The following PML variants were observed in gnomAD, a reference collection of about 807,000 sequenced individuals.
The protein encoded by PML is protein PML.
A neutral mutation model predicts 65.2 loss-of-function variants in PML; 28 were observed. That is an observed-to-expected ratio of 0.43 (90% CI 0.32 to 0.59). The LOEUF is 0.59. Among genes scored for constraint, PML ranks in the 20% least tolerant of loss-of-function variants. The pLI, the probability that PML is intolerant of heterozygous loss-of-function variation, is 0.08. For synonymous variants in PML, 500 were observed against 508.8 expected (o/e 0.98, Z 0.23); for missense variants, 1,021 against 1,203.4 (o/e 0.85, Z 2.24).
Position 74,044,815 on chromosome 15 carries a change from G to A in PML, c.2456G>A (p.Gly819Asp). ...LSAHRRDRQG[G>D]LKKYSRYLSL... ...GCACACCGCCGTGACCGGCAGGGGG[G>A]CCTGAAGAAGTACAGCCGCTATCTA... The change falls in exon 9 of 9, where the codon GGC becomes GAC. Residue 819 changes from glycine (G) to aspartate (D), a missense_variant. Physicochemically the swap from Gly to Asp is moderately conservative, Grantham distance 94. Transcript: ENST00000268058. 6.2e-7 allele frequency: 1 copy of A among 1,613,190 alleles called. No individual in the cohort carries two copies. The highest frequency in any genetic ancestry group is 8.5e-7 in the Non-Finnish European group (1 of 1,180,032).
intron 4 of PML, among the ~76,000 whole-genome samples, chr15:74,029,145 C>G (rs747535488): frequency 6.6e-6 from 1 of 152,186 alleles, no homozygotes; most frequent in Non-Finnish European, 1.5e-5. Flanking sequence ...GTTTCGACTT[C>G]TCTACAGCCT....
At chr15:74,038,631 C>T (rs2071627550) in intron 7 of PML, among the ~76,000 whole-genome samples, 1 of 152,132 alleles carries the variant, frequency 6.6e-6, no homozygotes, top group African/African-American at 2.4e-5. Context: ...ACACCCAGCA[C>T]CACCACTGCA....
chr15:74,043,011 G>A lies in PML; in HGVS notation c.1733G>A (p.Ser578Asn). Reference sequence around the variant, plus strand: ...CAGTCCTCCCGAGAGCTGGATGACAGCAGCAGTGAGTCCAGTGACCTCCAG... The same window carrying A: ...CAGTCCTCCCGAGAGCTGGATGACAACAGCAGTGAGTCCAGTGACCTCCAG... The part of the protein sequence containing the change: ...ENSSSRELDD[S>N]SSESSDLQLE... The change falls in exon 8 of 9, where the codon AGC becomes AAC. Residue 578 changes from serine to asparagine, a missense_variant. Coordinates refer to ENST00000268058, the MANE Select transcript of PML (RefSeq NM_033238.3). The surrounding 1 kb of genome is among the most constrained non-coding windows in gnomAD (Gnocchi z 4.3). 6.2e-7 allele frequency: 1 copy of A among 1,613,708 alleles called. No homozygotes were observed. The highest frequency in any genetic ancestry group is 8.5e-7 in the Non-Finnish European group (1 of 1,179,948).
At position 74,023,287 on chromosome 15, in the gene PML, G is replaced by A; in HGVS notation, c.1062G>A (p.Gln354=). The A allele has an allele frequency of 6.2e-7, 1 of 1,610,148 alleles. No homozygotes were observed. Among genetic ancestry groups the A allele is most frequent in the Non-Finnish European group, 8.5e-7 (1 of 1,179,618 alleles). The stretch of plus-strand genomic sequence containing the variant: ...TGGACATGCACGGTTTCCTGCGCCA[G>A]GCGCTCTGCCGCCTGCGCCAGGAGG... The part of the protein sequence containing the change: ...EVLDMHGFLR[Q]ALCRLRQEEP... Residue 354 remains glutamine (Q), a synonymous_variant, in exon 3 of 9, where the codon CAG becomes CAA. Coordinates refer to ENST00000268058, the MANE Select transcript of PML (RefSeq NM_033238.3).
intron 2 of PML, 52 bp downstream of exon 2, chr15:73,998,528 G>A (rs770522916): frequency 1.4e-6 from 2 of 1,472,376 alleles, no homozygotes; most frequent in Non-Finnish European, 1.9e-6. Context: ...CAGGTAGAGG[G>A]CGAGAGGAGC....
rs546243501 is a variant in PML, at chr15:74,034,521, C to T, written c.1701C>T (p.Ala567=). 1.7e-5 allele frequency: 28 copies of T among 1,614,144 alleles called. No individual in the cohort carries two copies. The East Asian group carries it at 5.6e-4, about 32-fold the overall frequency. Residue 567 remains alanine (A), a synonymous_variant, in exon 7 of 9, where the codon GCC becomes GCT. Transcript: ENST00000268058. Reference sequence around the variant, plus strand: ...TCAGCAGCTCGGAAGACTCAGATGCCGAAAACTCGGTGAGTGGCCCAGAAG... The same window carrying T: ...TCAGCAGCTCGGAAGACTCAGATGCTGAAAACTCGGTGAGTGGCCCAGAAG... ...VVISSSEDSD[A]ENSSSRELDD...
intron 4 of PML, among the ~76,000 whole-genome samples, chr15:74,029,898 C>G (rs1349992317): frequency 1.3e-5 from 2 of 152,162 alleles, no homozygotes; most frequent in Admixed American, 6.5e-5. Flanking sequence ...CAGGCTCACA[C>G]TCTCTAATCC....
In PML at chr15:74,047,614, C is replaced by T. The variant is rs2071783470; in HGVS notation, c.*2606C>T. The T allele has an allele frequency of 4.8e-6, 1 of 210,486 alleles. No individual in the cohort carries two copies. Among genetic ancestry groups the T allele is most frequent in the African/African-American group, 2.3e-5 (1 of 44,086 alleles). The allele number at this position is 210,486 out of a possible 1,614,324, so 13.0% of individuals were successfully genotyped here. On this transcript the variant is annotated 3_prime_UTR_variant, in exon 9 of 9. Transcript: ENST00000268058. ...CCCTCTTTGGCACATTAACCTCCCT[C>T]CTTGATCCTCAGGCTGCACCTCTGG... is the stretch of plus-strand genomic sequence containing the variant.
At chr15:74,028,377 T>C (rs1337594893) in intron 4 of PML, 1 of 151,314 alleles carries the variant, frequency 6.6e-6, no homozygotes, top group Admixed American at 6.6e-5. Context: ...GAGGGTCTTT[T>C]ACATACCAGC....
In PML at chr15:74,023,341, C is replaced by T; in HGVS notation, c.1116C>T (p.Arg372=). The part of the protein sequence containing the change: ...EEPQSLQAAV[R]TDGFDEFKVR... ...CCCAGAGCCTGCAAGCTGCCGTGCG[C>T]ACCGATGGCTTCGACGAGTTCAAGG... Residue 372 remains arginine (R), a synonymous_variant, in exon 3 of 9, where the codon CGC becomes CGT. Transcript: ENST00000268058. 6.2e-7 allele frequency: 1 copy of T among 1,604,778 alleles called. No individual in the cohort carries two copies.
At chr15:74,033,654 G>A (rs2071418945) in intron 6 of PML, 3 of 676,382 alleles carry the variant, frequency 4.4e-6, no homozygotes, top group African/African-American at 3.5e-5. Flanking sequence ...AGTTCTATGA[G>A]TCCTTTCTCC....
intron 2 of PML, among the ~76,000 whole-genome samples, chr15:74,006,927 CTT>C (rs1368034558): frequency 2.6e-5 from 4 of 152,212 alleles, no homozygotes; most frequent in African/African-American, 9.6e-5. Context: ...AGGATTTACT[CTT>C]TACCACGGGA....
rs752972084 is a variant in PML, at chr15:73,998,124, T to G, written c.250T>G (p.Ser84Ala). 1.3e-4 allele frequency: 210 copies of G among 1,613,924 alleles called. No individual in the cohort carries two copies. The highest frequency in any genetic ancestry group is 1.7e-4 in the Non-Finnish European group (203 of 1,180,030). ...GCTGTGCTCAGGATGCCTGGAGGCG[T>G]CGGGCATGCAGTGCCCCATCTGCCA... ...HTLCSGCLEASGMQCPICQAP... is the reference protein window; with the variant it reads ...HTLCSGCLEAAGMQCPICQAP... The change falls in exon 2 of 9, where the codon TCG becomes GCG. Residue 84 changes from serine (S) to alanine (A), a missense_variant. Physicochemically the swap from Ser to Ala is moderately conservative, Grantham distance 99. Coordinates refer to ENST00000268058, the MANE Select transcript of PML (RefSeq NM_033238.3).
Position 74,035,161 on chromosome 15 carries a change from G to C in PML, c.1710+631G>C. 2 of 1,209,182 alleles carry C rather than the reference G, an allele frequency of 1.7e-6. No homozygotes were observed. Among genetic ancestry groups the C allele is most frequent in the South Asian group, 2.4e-5 (2 of 83,154 alleles). The allele number at this position is 1,209,182 out of a possible 1,614,324, so 74.9% of individuals were successfully genotyped here. On this transcript the variant is annotated intron_variant, in intron 7 of 8. Coordinates refer to ENST00000268058, the MANE Select transcript of PML (RefSeq NM_033238.3). This position sits in a 1 kb window ranked among gnomAD's most constrained non-coding sequence, Gnocchi z 4.1. The stretch of plus-strand genomic sequence containing the variant: ...CTTCCAGCCCTCAGTCTGAGGTTCT[G>C]TATTGGAAAGTGCATGGAGCCCATG...
chr15:74,018,357 A>G (rs2070691369), intron 2 of PML, among the ~76,000 whole-genome samples: 1 of 151,938 alleles, frequency 6.6e-6, no homozygotes, highest in Non-Finnish European at 1.5e-5. Flanking sequence ...AAGAAAGAAA[A>G]GAAATTTAGA....
Position 74,044,803 on chromosome 15 carries a change from A to G in PML, c.2444A>G (p.Asp815Gly). The G allele has an allele frequency of 6.2e-7, 1 of 1,613,210 alleles. No individual in the cohort carries two copies. Among genetic ancestry groups the G allele is most frequent in the Non-Finnish European group, 8.5e-7 (1 of 1,180,028 alleles). The change falls in exon 9 of 9, where the codon GAC (aspartate) becomes GGC (glycine). Residue 815 changes from aspartate (D) to glycine (G), a missense_variant. Asp to Gly is a moderately conservative substitution (Grantham distance 94). Transcript: ENST00000268058. ...FMELLSAHRR[D>G]RQGGLKKYSR... ...GAGCTGCTGAGTGCACACCGCCGTG[A>G]CCGGCAGGGGGGCCTGAAGAAGTAC...
chr15:73,994,808 G>A lies in PML; in HGVS notation c.-5G>A, dbSNP rs1296761127. On this transcript the variant is annotated 5_prime_UTR_variant, in exon 1 of 9. Coordinates refer to ENST00000268058, the MANE Select transcript of PML (RefSeq NM_033238.3). ...AAACCGAGAATCGAAACTAAGCTGG[G>A]GTCCATGGAGCCTGCACCCGCCCGA... is the stretch of plus-strand genomic sequence containing the variant. 1.3e-6 allele frequency: 2 copies of A among 1,553,388 alleles called. No individual in the cohort carries two copies. The highest frequency in any genetic ancestry group is 1.7e-6 in the Non-Finnish European group (2 of 1,148,270).
chr15:74,027,306 C>T (rs2071121521), intron 4 of PML: 1 of 151,852 alleles, frequency 6.6e-6, no homozygotes, highest in Non-Finnish European at 1.5e-5. Flanking sequence ...AAACCCAGGA[C>T]CTTGGGACAC....
At chr15:73,995,178 C>T (rs1249199085) in intron 1 of PML, among the ~76,000 whole-genome samples, 1 of 152,196 alleles carries the variant, frequency 6.6e-6, no homozygotes, top group Non-Finnish European at 1.5e-5. Flanking sequence ...TGCGGTTTCT[C>T]CACTGAGCAG....
Sources: allele counts gnomAD v4.1 joint callset (sites outside exome capture counted in the v4.1 genomes callset), GRCh38; gene constraint gnomAD v4.1.1; non-coding constraint Gnocchi (gnomAD v3.1); transcripts MANE v1.5; gene names NCBI Gene and HGNC (gene_info 2026-07-23, HGNC 2026-07-21).